The following CYSLTR1 variants were observed in gnomAD, a reference collection of about 807,000 sequenced individuals.
CYSLTR1 encodes cysteinyl leukotriene receptor 1.
A neutral mutation model predicts 2.1 loss-of-function variants in CYSLTR1; 1 was observed. The ratio of observed to expected loss-of-function variants is 0.48; its 90% CI spans 0.17 to 2.28. The LOEUF is 2.28. Among genes scored for constraint, CYSLTR1 ranks in the 30% most tolerant of loss-of-function variants. The pLI is 0.26. For synonymous variants in CYSLTR1, 110 were observed against 89.6 expected (o/e 1.23, Z -1.28); for missense variants, 299 against 250.1 (o/e 1.20, Z -1.32).
At chrX:78,288,515 T>G (rs1399511581) in intron 1 of CYSLTR1, among the ~76,000 whole-genome samples, 1 of 111,851 alleles carries the variant, frequency 8.9e-6, no homozygotes, top group African/African-American at 3.2e-5. Flanking sequence ...CATTTGTTGC[T>G]TTGTCATTAG....
chrX:78,311,060 G>T (rs934070614), intron 1 of CYSLTR1, among the ~76,000 whole-genome samples: 1 of 110,923 alleles, frequency 9.0e-6, no homozygotes, highest in African/African-American at 3.3e-5. Flanking sequence ...AGTGAGAAAA[G>T]AATACTGATA....
intron 1 of CYSLTR1, among the ~76,000 whole-genome samples, chrX:78,294,223 G>T (rs189592259): frequency 1.8e-3 from 204 of 112,736 alleles, no homozygotes; most frequent in African/African-American, 6.4e-3. Context: ...ACCATCAGCT[G>T]CAGGTCTGCT....
chrX:78,288,115 A>C (rs1922147859), intron 1 of CYSLTR1, among the ~76,000 whole-genome samples: 1 of 111,031 alleles, frequency 9.0e-6, no homozygotes. Context: ...AGGCGGGGAG[A>C]ATTACTTGAG....
At chrX:78,275,502 G>A (rs922538182) in intron 2 of CYSLTR1, among the ~76,000 whole-genome samples, 3 of 107,118 alleles carry the variant, frequency 2.8e-5, no homozygotes, top group Admixed American at 1.0e-4. Context: ...AACACCGCAT[G>A]TTCTCACTCA....
chrX:78,306,412 C>T (rs1200138549), intron 1 of CYSLTR1, among the ~76,000 whole-genome samples: 4 of 111,224 alleles, frequency 3.6e-5, no homozygotes, highest in Non-Finnish European at 7.5e-5. Context: ...GATCTGCCTG[C>T]CTCAGTTTCC....
At chrX:78,307,047 T>C (rs758692762) in intron 1 of CYSLTR1, among the ~76,000 whole-genome samples, 1 of 112,134 alleles carries the variant, frequency 8.9e-6, no homozygotes, top group South Asian at 3.7e-4. Context: ...TCATTGTGAA[T>C]AAAAAGAGAA....
rs1253487046 is a variant in CYSLTR1, at chrX:78,305,421, C to G, written c.-114-21881G>C. Among the ~76,000 whole-genome samples, 5 of 111,711 alleles carry G rather than the reference C, an allele frequency of 4.5e-5. No homozygotes were observed. The East Asian group carries it at 1.1e-3, about 25-fold the overall frequency. ...AAAGCAAACAAACTTCCACCCTCAC[C>G]CTTCTGATCAAAGTTGTCCCTGACA... is the stretch of plus-strand genomic sequence containing the variant. On this transcript the variant is annotated intron_variant, in intron 1 of 2. Coordinates refer to ENST00000373304, the MANE Select transcript of CYSLTR1 (RefSeq NM_006639.4).
intron 1 of CYSLTR1, among the ~76,000 whole-genome samples, chrX:78,293,000 G>A (rs948883592): frequency 3.6e-5 from 4 of 111,148 alleles, no homozygotes; most frequent in Non-Finnish European, 7.5e-5. Context: ...ATTGTTATGT[G>A]TGAATTTGAT....
chrX:78,302,640 T>A (rs1180132572), intron 1 of CYSLTR1, among the ~76,000 whole-genome samples: 1 of 110,726 alleles, frequency 9.0e-6, no homozygotes, highest in Non-Finnish European at 1.9e-5. Context: ...AGGTGGTACA[T>A]ACTGACAGGA....
intron 2 of CYSLTR1, among the ~76,000 whole-genome samples, chrX:78,275,696 G>A (rs1156535342): frequency 7.2e-5 from 8 of 111,184 alleles, no homozygotes; most frequent in Admixed American, 1.9e-4. Flanking sequence ...AAACTTGCAC[G>A]TTGTGCACAT....
intron 1 of CYSLTR1, among the ~76,000 whole-genome samples, chrX:78,290,487 C>G (rs140829553): frequency 1.0e-3 from 117 of 111,518 alleles, no homozygotes; most frequent in African/African-American, 3.6e-3. Context: ...AGTTTTTTTC[C>G]AATTCTGTGA....
chrX:78,310,833 A>G (rs1296238338), intron 1 of CYSLTR1, among the ~76,000 whole-genome samples: 4 of 111,160 alleles, frequency 3.6e-5, no homozygotes, highest in Non-Finnish European at 7.6e-5. Context: ...TGATATGGCT[A>G]AAATATAAGA....
chrX:78,287,732 T>C (rs926753591), intron 1 of CYSLTR1, among the ~76,000 whole-genome samples: 1 of 111,238 alleles, frequency 9.0e-6, no homozygotes, highest in Non-Finnish European at 1.9e-5. Context: ...TGCATAGTGA[T>C]GAAGAGCAAA....
At chrX:78,281,852 G>A (rs903156808) in intron 2 of CYSLTR1, among the ~76,000 whole-genome samples, 2 of 111,002 alleles carry the variant, frequency 1.8e-5, no homozygotes, top group African/African-American at 3.3e-5. Flanking sequence ...AACCCTTTCC[G>A]GAATAATTTT....
Position 78,314,875 on chromosome X carries a change from T to A in CYSLTR1, c.-115+12430A>T, listed in dbSNP as rs182272274. Among the ~76,000 whole-genome samples, 163 of 109,083 alleles carry A rather than the reference T, an allele frequency of 1.5e-3. 1 individual carries two copies. The highest frequency in any genetic ancestry group is 7.4e-4 in the Non-Finnish European group (39 of 52,499). The allele number at this position is 109,083 out of a possible 115,157, so 94.7% of individuals were successfully genotyped here. A position where few individuals can be genotyped will look rare whatever the true frequency, so the allele number is the denominator to read the frequency against. ...ACTGCAACTCCTAGGAACGTCCTAG[T>A]GCTAAACTGTGCCCAGATACAGTGG... On this transcript the variant is annotated intron_variant, in intron 1 of 2. Transcript: ENST00000373304.
chrX:78,275,433 C>T (rs1028325821), intron 2 of CYSLTR1, among the ~76,000 whole-genome samples: 6 of 111,083 alleles, frequency 5.4e-5, no homozygotes, highest in Admixed American at 9.6e-5. Flanking sequence ...TTTGTAGGGA[C>T]GTGGATGAAA....
chrX:78,315,944 C>T (rs1364768756), intron 1 of CYSLTR1, among the ~76,000 whole-genome samples: 1 of 112,018 alleles, frequency 8.9e-6, no homozygotes, highest in Non-Finnish European at 1.9e-5. Flanking sequence ...TTACAGCAGG[C>T]CTGGGGTGAT....
chrX:78,292,544 ATCTG>A (rs1922388565), intron 1 of CYSLTR1, among the ~76,000 whole-genome samples: 1 of 111,618 alleles, frequency 9.0e-6, no homozygotes, highest in South Asian at 3.7e-4. Context: ...TGTCTCATTG[ATCTG>A]TCTAATATTG....
chrX:78,309,219 A>G (rs1417616275), intron 1 of CYSLTR1, among the ~76,000 whole-genome samples: 1 of 111,402 alleles, frequency 9.0e-6, no homozygotes, highest in Admixed American at 9.6e-5. Flanking sequence ...AAAGTATATC[A>G]GCAATGAAGA....
Sources: gnomAD v4.1 joint callset for allele counts (sites outside exome capture counted in the v4.1 genomes callset) on GRCh38, gnomAD v4.1.1 for gene constraint, MANE v1.5 for transcripts, NCBI Gene and HGNC (gene_info 2026-07-23, HGNC 2026-07-21) for gene names.